The following KRT8 variants were observed in gnomAD, a reference collection of about 807,000 sequenced individuals.
The protein encoded by KRT8 is keratin, type II cytoskeletal 8.
KRT8 carries 24 observed loss-of-function variants against 43.0 expected under a neutral mutation model. The ratio of observed to expected loss-of-function variants is 0.56; its 90% CI spans 0.40 to 0.78. The LOEUF is 0.78. Among genes scored for constraint, KRT8 ranks in the 30% least tolerant of loss-of-function variants. The pLI is 0.00. For missense variants in KRT8, 492 were observed against 638.4 expected (o/e 0.77, Z 2.47); for synonymous variants, 214 against 261.2 (o/e 0.82, Z 1.74).
chr12:52,923,135 G>A (rs1941921222), intron 2 of KRT8, among the ~76,000 whole-genome samples: 1 of 152,140 alleles, frequency 6.6e-6, no homozygotes, highest in African/African-American at 2.4e-5. Context: ...TACCTCCAAA[G>A]TGCTCTAGGA....
At chr12:52,932,386 A>T (rs1464170482) in intron 2 of KRT8, among the ~76,000 whole-genome samples, 1 of 152,000 alleles carries the variant, frequency 6.6e-6, no homozygotes, top group South Asian at 2.1e-4. Context: ...CGCGCCTGGC[A>T]AATCATTCTT....
At chr12:52,902,810 G>C (rs181627964) in intron 1 of KRT8, among the ~76,000 whole-genome samples, 5 of 152,176 alleles carry the variant, frequency 3.3e-5, no homozygotes, top group Non-Finnish European at 7.4e-5. Flanking sequence ...TCAGGAGTTC[G>C]AGACCAGCCT....
intron 2 of KRT8, among the ~76,000 whole-genome samples, chr12:52,935,724 A>G (rs1247351056): frequency 1.3e-5 from 2 of 151,414 alleles, no homozygotes; most frequent in East Asian, 1.9e-4. Context: ...GCTCCATATA[A>G]CCTTCAACTC....
chr12:52,907,164 G>A (rs962856538), upstream of KRT8: 2 of 170,160 alleles, frequency 1.2e-5, no homozygotes, highest in Non-Finnish European at 1.3e-5. Flanking sequence ...ATTTACACCA[G>A]GCCTTCTCCC....
At chr12:52,920,924 T>C (rs1026083269) in intron 2 of KRT8, among the ~76,000 whole-genome samples, 1 of 152,210 alleles carries the variant, frequency 6.6e-6, no homozygotes, top group African/African-American at 2.4e-5. Context: ...AGAGAGACTC[T>C]AGAGAGCACG....
chr12:52,917,708 CA>C (rs535303270), intron 2 of KRT8, among the ~76,000 whole-genome samples: 182 of 29,962 alleles, frequency 6.1e-3, no homozygotes, highest in African/African-American at 0.014. Flanking sequence ...GACTCTGTCT[CA>C]AAAAAAAAAA....
Position 52,948,855 on chromosome 12 carries a change from A to G in KRT8, c.-47+601T>C, listed in dbSNP as rs1942399482. On this transcript the variant is annotated intron_variant, in intron 2 of 6. Coordinates refer to the KRT8 transcript ENST00000546826. Reference sequence around the variant, plus strand: ...TGGGGGAGAAGAGCATAATAACGTCATTTCCTGCCCTGAAAGCAGCCTCGA... The same window carrying G: ...TGGGGGAGAAGAGCATAATAACGTCGTTTCCTGCCCTGAAAGCAGCCTCGA... 6 of 419,078 alleles carry G rather than the reference A, an allele frequency of 1.4e-5. 1 individual carries two copies. Among genetic ancestry groups the G allele is most frequent in the Non-Finnish European group, 2.5e-5 (6 of 242,164 alleles). The allele number at this position is 419,078 out of a possible 1,614,324, so 26.0% of individuals were successfully genotyped here. A position where few individuals can be genotyped will look rare whatever the true frequency, so the allele number is the denominator to read the frequency against.
intron 2 of KRT8, among the ~76,000 whole-genome samples, chr12:52,913,469 A>G (rs1444858177): frequency 6.6e-6 from 1 of 152,262 alleles, no homozygotes; most frequent in Non-Finnish European, 1.5e-5. Context: ...GAGGTGCATG[A>G]TGATAAGCAG....
intron 2 of KRT8, among the ~76,000 whole-genome samples, chr12:52,912,411 C>A (rs1941653400): frequency 6.6e-6 from 1 of 152,220 alleles, no homozygotes; most frequent in East Asian, 1.9e-4. Flanking sequence ...GAAAACACCC[C>A]TCAGTCATCC....
chr12:52,901,296 T>C (rs1290558627), intron 2 of KRT8, 77 bp from the exon 3 acceptor site: 6 of 1,008,404 alleles, frequency 5.9e-6, no homozygotes. Context: ...GACAGGGGCG[T>C]TGTGAAAATC....
chr12:52,926,461 T>C lies in KRT8; in HGVS notation c.-46-21434A>G, dbSNP rs977023915. The C allele has an allele frequency of 3.3e-6, 5 of 1,535,396 alleles. No individual in the cohort carries two copies. The African/African-American group carries it at 6.9e-5, about 21-fold the overall frequency. On this transcript the variant is annotated intron_variant, in intron 2 of 6. Transcript: ENST00000546826. ...CTCACCCCATTCATTCCGCAAACATTTGCTGAATGAAAATCATGCATCAGG... is the reference window on the plus strand; with the variant it reads ...CTCACCCCATTCATTCCGCAAACATCTGCTGAATGAAAATCATGCATCAGG...
exon 8 of KRT8, chr12:52,897,597 C>G (rs1326427415): frequency 6.3e-7 from 1 of 1,598,164 alleles, no homozygotes; most frequent in Non-Finnish European, 8.5e-7. Context: ...TGTGAGGCCC[C>G]CATAGGCCGA....
At chr12:52,941,237 T>C (rs1055254050) in intron 2 of KRT8, among the ~76,000 whole-genome samples, 1 of 151,070 alleles carries the variant, frequency 6.6e-6, no homozygotes, top group African/African-American at 2.4e-5. Flanking sequence ...CGTCTATAAA[T>C]CTAAATGTTT....
chr12:52,915,979 G>A (rs1167858942), intron 2 of KRT8, among the ~76,000 whole-genome samples: 1 of 152,200 alleles, frequency 6.6e-6, no homozygotes, highest in Non-Finnish European at 1.5e-5. Flanking sequence ...TTCAGGGGAA[G>A]GAGAGAGCCC....
intron 2 of KRT8, chr12:52,948,494 CTTTT>C (rs375720808): frequency 1.8e-5 from 2 of 110,996 alleles, no homozygotes; most frequent in African/African-American, 3.3e-5. Flanking sequence ...TTTCTTTTTT[CTTTT>C]TTTTTTTTTT....
upstream of KRT8, among the ~76,000 whole-genome samples, chr12:52,910,107 C>T (rs181797981): frequency 1.8e-4 from 27 of 152,288 alleles, no homozygotes; most frequent in African/African-American, 6.0e-4. Flanking sequence ...CCCTCCTCTC[C>T]ACTGATGCCA....
chr12:52,936,330 T>C (rs1942169561), intron 2 of KRT8, among the ~76,000 whole-genome samples: 1 of 152,122 alleles, frequency 6.6e-6, no homozygotes, highest in Non-Finnish European at 1.5e-5. Context: ...CTTGTGATCA[T>C]AGCTCATGGC....
intron 5 of KRT8, 104 bp from the exon 6 acceptor site, chr12:52,899,003 T>TC: frequency 1.0e-6 from 1 of 958,796 alleles, no homozygotes. Context: ...CTAGGCTGAC[T>TC]CCCCCCAGCT....
In KRT8 at chr12:52,898,237, C is replaced by G. The variant is rs371090785; in HGVS notation, c.1261+224G>C. ...GTAGGATACTTAGCACAGTGCCTGG[C>G]ACACAGCTATGGTTTATTTGGGTGC... On this transcript the variant is annotated intron_variant, in intron 7 of 7. Coordinates refer to ENST00000692008, the Ensembl canonical transcript of KRT8. 4.6e-5 allele frequency among the ~76,000 whole-genome samples: 7 copies of G among 152,298 alleles called. No individual in the cohort carries two copies. The South Asian group carries it at 1.0e-3, about 23-fold the overall frequency.
Sources: gnomAD v4.1 joint callset for allele counts (sites outside exome capture counted in the v4.1 genomes callset) on GRCh38, gnomAD v4.1.1 for gene constraint, MANE v1.5 for transcripts, NCBI Gene and HGNC (gene_info 2026-07-23, HGNC 2026-07-21) for gene names.